Variants in GMPS observed in about 807,000 individuals in gnomAD.
The protein encoded by GMPS is guanosine monophosphate synthase.
In GMPS, 15 loss-of-function variants were observed where a neutral mutation model predicts 77.9. The ratio of observed to expected loss-of-function variants is 0.19; its 90% CI spans 0.13 to 0.30. The LOEUF (loss-of-function observed/expected upper bound fraction) is 0.30. Among genes scored for constraint, GMPS ranks in the 10% least tolerant of loss-of-function variants. The pLI, the probability that GMPS is intolerant of heterozygous loss-of-function variation, is 1.00. For missense variants in GMPS, 590 were observed against 838.8 expected (o/e 0.70, Z 3.66); for synonymous variants, 224 against 275.9 (o/e 0.81, Z 1.86).
chr3:155,919,259 T>G lies in GMPS; in HGVS notation c.1239T>G (p.Asp413Glu), dbSNP rs1450904893. Reference protein sequence around the residue: ...EEGKVIEPLKDFHKDEVRILG... With the variant: ...EEGKVIEPLKEFHKDEVRILG... ...GAAAAGTAATAGAACCTCTGAAAGA[T>G]TTTCATAAAGATGAAGTGAGAATTT... Residue 413 changes from aspartate (D) to glutamate (E), a missense_variant, in exon 10 of 16, where the codon GAT becomes GAG. Physicochemically the swap from Asp to Glu is conservative, Grantham distance 45. Coordinates refer to ENST00000496455, the MANE Select transcript of GMPS (RefSeq NM_003875.3). 6.3e-7 allele frequency: 1 copy of G among 1,583,390 alleles called. No homozygotes were observed.
At position 155,939,950 on chromosome 3, in the gene GMPS, G is replaced by C. The variant is rs756097122; in HGVS notation, c.*2258G>C. 4.0e-5 allele frequency: 8 copies of C among 202,328 alleles called. No homozygotes were observed. The highest frequency in any genetic ancestry group is 6.1e-5 in the Non-Finnish European group (6 of 98,572). The allele number at this position is 202,328 out of a possible 1,614,324, so 12.5% of individuals were successfully genotyped here. A position where few individuals can be genotyped will look rare whatever the true frequency, so the allele number is the denominator to read the frequency against. On this transcript the variant is annotated 3_prime_UTR_variant, in exon 16 of 16. Transcript: ENST00000496455. The stretch of plus-strand genomic sequence containing the variant: ...AGGCATGGTTACTTAATTAATTTCA[G>C]AATTAAATTTCAGGTTTCCTTAGTC...
chr3:155,893,263 A>G (rs997544919), intron 1 of GMPS, among the ~76,000 whole-genome samples: 1 of 152,220 alleles, frequency 6.6e-6, no homozygotes, highest in South Asian at 2.1e-4. Context: ...TGTAAGATAT[A>G]TATACACATG....
intron 12 of GMPS, among the ~76,000 whole-genome samples, chr3:155,925,769 A>G (rs1445899731): frequency 2.0e-5 from 3 of 152,054 alleles, no homozygotes; most frequent in Admixed American, 2.0e-4. Flanking sequence ...GAGGTCATTT[A>G]TCCTAGGTGT....
chr3:155,884,492 C>T (rs1046067809), intron 1 of GMPS, among the ~76,000 whole-genome samples: 1 of 152,004 alleles, frequency 6.6e-6, no homozygotes, highest in East Asian at 1.9e-4. Context: ...TGGTCACATA[C>T]GTATATTGTG....
At chr3:155,934,619 G>A (rs375567400) in intron 13 of GMPS, among the ~76,000 whole-genome samples, 21 of 152,210 alleles carry the variant, frequency 1.4e-4, no homozygotes, top group African/African-American at 4.6e-4. Context: ...GATACTCTTC[G>A]ACCCAGTACA....
At chr3:155,901,583 G>T (rs1251955254) in intron 3 of GMPS, among the ~76,000 whole-genome samples, 1 of 151,636 alleles carries the variant, frequency 6.6e-6, no homozygotes, top group African/African-American at 2.4e-5. Context: ...TTTTCCCTCA[G>T]TTTATGTTCC....
chr3:155,874,267 A>G lies in GMPS; in HGVS notation c.27+3370A>G, dbSNP rs544792926. Among the ~76,000 whole-genome samples the G allele has an allele frequency of 2.5e-4, 38 of 152,358 alleles. No homozygotes were observed. In the South Asian group the frequency reaches 7.2e-3, roughly 29 times the overall value. On this transcript the variant is annotated intron_variant, in intron 1 of 15. Transcript: ENST00000496455. ...TAAGGGTGAAACTCTTGGTTGGAGT[A>G]AAGGTGGTACCTGTCCTATCATTGA... is the stretch of plus-strand genomic sequence containing the variant.
chr3:155,931,077 C>T (rs907540319), intron 12 of GMPS, among the ~76,000 whole-genome samples: 1 of 152,064 alleles, frequency 6.6e-6, no homozygotes, highest in African/African-American at 2.4e-5. Flanking sequence ...CCACCCACCT[C>T]GGCCTCCCAA....
chr3:155,936,569 G>A, intron 15 of GMPS, 59 bp downstream of exon 15: 1 of 968,338 alleles, frequency 1.0e-6, no homozygotes, highest in Non-Finnish European at 1.7e-6. Flanking sequence ...TTTATAATAT[G>A]GTGAATGGAA....
rs1755016424 is a variant in GMPS, at chr3:155,910,709, A to G, written c.544A>G (p.Lys182Glu). 2 of 1,567,432 alleles carry G rather than the reference A, an allele frequency of 1.3e-6. No homozygotes were observed. Among genetic ancestry groups the G allele is most frequent in the East Asian group, 2.3e-5 (1 of 44,170 alleles). Residue 182 changes from lysine to glutamate, a missense_variant, in exon 6 of 16, where the codon AAA becomes GAA. Transcript: ENST00000496455. ...NIVAGIANES[K>E]KLYGAQFHPE... Reference sequence around the variant, plus strand: ...CTATAAAGGCATAGCAAATGAATCTAAAAAGTTATATGGAGCACAGTTCCA... The same window carrying G: ...CTATAAAGGCATAGCAAATGAATCTGAAAAGTTATATGGAGCACAGTTCCA...
chr3:155,910,103 G>A (rs1490232327), intron 5 of GMPS, among the ~76,000 whole-genome samples: 3 of 151,892 alleles, frequency 2.0e-5, no homozygotes, highest in Non-Finnish European at 2.9e-5. Flanking sequence ...GAAATAAGCC[G>A]AGCGTGGTGG....
intron 8 of GMPS, among the ~76,000 whole-genome samples, chr3:155,915,340 C>T (rs563538568): frequency 1.2e-4 from 17 of 147,312 alleles, no homozygotes; most frequent in South Asian, 4.4e-4. Flanking sequence ...TGGGTTCAAG[C>T]GATTCTCCTG....
chr3:155,892,306 T>TC (rs1240036805), intron 1 of GMPS, among the ~76,000 whole-genome samples: 1 of 152,176 alleles, frequency 6.6e-6, no homozygotes, highest in Non-Finnish European at 1.5e-5. Context: ...TAAGTGGATT[T>TC]CCAGGGTACA....
chr3:155,916,445 C>G (rs1463081960), intron 9 of GMPS, among the ~76,000 whole-genome samples: 14 of 152,152 alleles, frequency 9.2e-5, no homozygotes, highest in African/African-American at 3.4e-4. Context: ...TAGGCAATTA[C>G]CAACCACTAA....
At chr3:155,888,170 A>G (rs1302087535) in intron 1 of GMPS, among the ~76,000 whole-genome samples, 2 of 151,458 alleles carry the variant, frequency 1.3e-5, no homozygotes, top group Non-Finnish European at 2.9e-5. Flanking sequence ...CCTTAGCCTA[A>G]AAAATTATGT....
intron 10 of GMPS, among the ~76,000 whole-genome samples, chr3:155,919,600 G>A (rs952428650): frequency 1.3e-5 from 2 of 152,134 alleles, no homozygotes; most frequent in Non-Finnish European, 2.9e-5. Flanking sequence ...GCCATCAGAT[G>A]AGAAAACCAA....
chr3:155,934,641 G>C (rs1755715148), intron 13 of GMPS, among the ~76,000 whole-genome samples: 1 of 152,220 alleles, frequency 6.6e-6, no homozygotes, highest in Non-Finnish European at 1.5e-5. Flanking sequence ...TAAGTGAAAA[G>C]AGAGTTGTAA....
At chr3:155,891,251 G>T (rs1183378779) in intron 1 of GMPS, among the ~76,000 whole-genome samples, 2 of 152,212 alleles carry the variant, frequency 1.3e-5, no homozygotes, top group Non-Finnish European at 2.9e-5. Flanking sequence ...CAGGAACTCT[G>T]CCTGTAATGT....
At chr3:155,879,730 CTTTTT>C (rs58045835) in intron 1 of GMPS, among the ~76,000 whole-genome samples, 2 of 107,630 alleles carry the variant, frequency 1.9e-5, no homozygotes, top group South Asian at 3.1e-4. Flanking sequence ...CTTTTTTGCC[CTTTTT>C]TTTTTTTTTT....
Sources: allele counts gnomAD v4.1 joint callset (sites outside exome capture counted in the v4.1 genomes callset), GRCh38; gene constraint gnomAD v4.1.1; transcripts MANE v1.5; gene names NCBI Gene and HGNC (gene_info 2026-07-23, HGNC 2026-07-21).